Variants in KLHL29 observed in about 807,000 individuals in gnomAD.
KLHL29 encodes the protein kelch like family member 29.
KLHL29 carries 21 observed loss-of-function variants against 80.4 expected under a neutral mutation model. The ratio of observed to expected loss-of-function variants is 0.26; its 90% CI spans 0.19 to 0.38. The LOEUF is 0.38. KLHL29 is among the 10% of genes least tolerant of loss of function. The probability of loss-of-function intolerance (pLI) is 1.00; values close to 1 mark genes in which losing one functional copy is unlikely to be tolerated. For missense variants in KLHL29, 867 were observed against 1,223.9 expected (o/e 0.71, Z 4.35); for synonymous variants, 511 against 526.8 (o/e 0.97, Z 0.41).
chr2:23,694,294 AG>A (rs1671807958), intron 8 of KLHL29, among the ~76,000 whole-genome samples: 1 of 152,070 alleles, frequency 6.6e-6, no homozygotes, highest in African/African-American at 2.4e-5. Flanking sequence ...CTTCTCCCAT[AG>A]CCATTTCGCT....
At chr2:23,661,340 T>TAA (rs11483622) in intron 5 of KLHL29, among the ~76,000 whole-genome samples, 13,198 of 134,778 alleles carry the variant, frequency 0.098, 779 homozygotes, top group East Asian at 0.18. Flanking sequence ...AGACCCTGTC[T>TAA]AAAAAAAAAA....
At position 23,562,405 on chromosome 2, in the gene KLHL29, C is replaced by T; in HGVS notation, c.209C>T (p.Pro70Leu). The T allele has an allele frequency of 6.5e-7, 1 of 1,538,592 alleles. No homozygotes were observed. The highest frequency in any genetic ancestry group is 1.4e-5 in the African/African-American group (1 of 73,166). Residue 70 changes from proline to leucine, a missense_variant, in exon 3 of 14, where the codon CCT (proline) becomes CTT (leucine). By Grantham distance (98) the Pro-to-Leu change is moderately conservative (BLOSUM62 -3). Around this residue, in one of 2 missense-constraint regions of KLHL29, gnomAD observed 424 missense variants for 456.9 expected, o/e 0.93. Transcript: ENST00000486442. This position sits in a 1 kb window ranked among gnomAD's most constrained non-coding sequence, Gnocchi z 4.5. ...CGGCTGCCCACCCCGGCTACAGCTC[C>T]TGCTCCCTGCACCACCGGCAGCAGC... ...PSRLPTPATA[P>L]APCTTGSSEA...
chr2:23,478,187 C>G (rs1451870879), intron 2 of KLHL29, among the ~76,000 whole-genome samples: 2 of 152,200 alleles, frequency 1.3e-5, no homozygotes, highest in Non-Finnish European at 2.9e-5. Flanking sequence ...TCCGCTCCCT[C>G]TGCCACTCAT....
intron 1 of KLHL29, among the ~76,000 whole-genome samples, chr2:23,413,988 G>A (rs1196816441): frequency 2.6e-5 from 4 of 152,226 alleles, no homozygotes; most frequent in South Asian, 2.1e-4. Context: ...TCTCACAGAC[G>A]TCTGTGAACC....
At chr2:23,490,083 C>T (rs550333537) in intron 2 of KLHL29, among the ~76,000 whole-genome samples, 6 of 152,208 alleles carry the variant, frequency 3.9e-5, no homozygotes, top group African/African-American at 9.6e-5. Flanking sequence ...GGGGAGCCTC[C>T]GTGGGCGAGG....
intron 1 of KLHL29, among the ~76,000 whole-genome samples, chr2:23,404,128 C>T (rs1033278649): frequency 2.0e-5 from 3 of 152,152 alleles, no homozygotes; most frequent in Admixed American, 6.5e-5. Flanking sequence ...TCAGCCAGAA[C>T]GAAATGCGTT....
chr2:23,456,774 G>A (rs1183604540), intron 1 of KLHL29, among the ~76,000 whole-genome samples: 4 of 152,248 alleles, frequency 2.6e-5, no homozygotes, highest in Non-Finnish European at 5.9e-5. Flanking sequence ...AAAAAAGGGG[G>A]TAGCTATGCC....
chr2:23,407,724 T>C (rs1311302602), intron 1 of KLHL29, among the ~76,000 whole-genome samples: 1 of 152,326 alleles, frequency 6.6e-6, no homozygotes, highest in African/African-American at 2.4e-5. Context: ...TTCTAATTGT[T>C]TTGCAATTCA....
intron 6 of KLHL29, among the ~76,000 whole-genome samples, chr2:23,687,777 A>C (rs1353934686): frequency 6.6e-6 from 1 of 152,168 alleles, no homozygotes; most frequent in Non-Finnish European, 1.5e-5. Flanking sequence ...CAGGTCCCAC[A>C]GGTGACTCCA....
At chr2:23,413,054 A>G (rs941317161) in intron 1 of KLHL29, among the ~76,000 whole-genome samples, 10 of 152,180 alleles carry the variant, frequency 6.6e-5, no homozygotes, top group African/African-American at 2.2e-4. Context: ...CTTCAAAAAA[A>G]TGCCTGCAGT....
chr2:23,534,189 T>C (rs1416039110), intron 2 of KLHL29, among the ~76,000 whole-genome samples: 1 of 152,192 alleles, frequency 6.6e-6, no homozygotes, highest in Non-Finnish European at 1.5e-5. Context: ...CTTCAGATCA[T>C]GAGACCTGGT....
chr2:23,639,607 T>C (rs1669710316), intron 4 of KLHL29, among the ~76,000 whole-genome samples: 1 of 152,202 alleles, frequency 6.6e-6, no homozygotes, highest in Admixed American at 6.5e-5. Flanking sequence ...TCTCGAGTCA[T>C]GCCTTCCAGT....
intron 2 of KLHL29, among the ~76,000 whole-genome samples, chr2:23,510,668 G>A (rs1665740851): frequency 6.6e-6 from 1 of 152,226 alleles, no homozygotes; most frequent in Admixed American, 6.5e-5. Context: ...CCAGAGAGCA[G>A]AGCTTAGTGA....
intron 3 of KLHL29, among the ~76,000 whole-genome samples, chr2:23,599,973 G>T (rs986196357): frequency 6.6e-5 from 10 of 152,122 alleles, no homozygotes; most frequent in Admixed American, 3.3e-4. Context: ...TTTTCATTCT[G>T]CAGGGTGTGC....
At chr2:23,439,769 G>GA (rs1310964611) in intron 1 of KLHL29, among the ~76,000 whole-genome samples, 2 of 151,432 alleles carry the variant, frequency 1.3e-5, no homozygotes, top group Admixed American at 6.6e-5. Context: ...GTGTGGTGCT[G>GA]AAAAAAATGT....
chr2:23,540,827 G>A (rs1024789357), intron 2 of KLHL29, among the ~76,000 whole-genome samples: 2 of 152,184 alleles, frequency 1.3e-5, no homozygotes, highest in South Asian at 2.1e-4. Flanking sequence ...CAGAGAGGAC[G>A]GCCAGGAGTA....
chr2:23,531,876 G>A (rs567400618), intron 2 of KLHL29, among the ~76,000 whole-genome samples: 4 of 152,280 alleles, frequency 2.6e-5, no homozygotes, highest in Admixed American at 6.5e-5. Flanking sequence ...TGCTTTCCAC[G>A]TCTGTGCCCT....
In KLHL29 at chr2:23,562,896, AG is replaced by A. The variant is rs1352286322; in HGVS notation, c.285+418del. Among the ~76,000 whole-genome samples, 4 of 152,200 alleles carry A rather than the reference AG, an allele frequency of 2.6e-5. No individual in the cohort carries two copies. Among genetic ancestry groups the A allele is most frequent in the Non-Finnish European group, 5.9e-5 (4 of 68,036 alleles). On this transcript the variant is annotated intron_variant, in intron 3 of 13. Coordinates refer to ENST00000486442, the MANE Select transcript of KLHL29 (RefSeq NM_052920.2). This position sits in a 1 kb window ranked among gnomAD's most constrained non-coding sequence, Gnocchi z 4.5. ...TACTGACAAGCAGTAACAGTCATAAAGGGTGATAAACCCACACTTTATTAAC... is the reference window on the plus strand; with the variant it reads ...TACTGACAAGCAGTAACAGTCATAAAGGTGATAAACCCACACTTTATTAAC...
chr2:23,570,179 G>A (rs936427407), intron 3 of KLHL29, among the ~76,000 whole-genome samples: 2 of 152,212 alleles, frequency 1.3e-5, no homozygotes, highest in Admixed American at 1.3e-4. Context: ...GAGTGGGCCA[G>A]GCATCTGTAT....
Sources: allele counts gnomAD v4.1 joint callset (sites outside exome capture counted in the v4.1 genomes callset), GRCh38; gene constraint gnomAD v4.1.1; regional missense constraint gnomAD v4.1.1; non-coding constraint Gnocchi (gnomAD v3.1); transcripts MANE v1.5; gene names NCBI Gene and HGNC (gene_info 2026-07-23, HGNC 2026-07-21).